The following CPNE4 variants were observed in gnomAD, a reference collection of about 807,000 sequenced individuals.
CPNE4 encodes copine-4.
A neutral mutation model predicts 67.9 loss-of-function variants in CPNE4; 25 were observed. That is an observed-to-expected ratio of 0.37 (90% CI 0.27 to 0.51). The LOEUF (loss-of-function observed/expected upper bound fraction) is 0.51, where lower values mean the gene tolerates loss of function less well. Among genes scored for constraint, CPNE4 ranks in the 20% least tolerant of loss-of-function variants. CPNE4 has a pLI of 0.93. For synonymous variants in CPNE4, 242 were observed against 244.9 expected (o/e 0.99, Z 0.11); for missense variants, 464 against 690.8 (o/e 0.67, Z 3.68).
At chr3:131,696,708 C>T (rs1185914250) in intron 4 of CPNE4, 92 bp from the exon 5 acceptor site, 2 of 1,131,018 alleles carry the variant, frequency 1.8e-6, no homozygotes, top group Non-Finnish European at 1.3e-6. Context: ...TGGTTCAAAA[C>T]TCAACAAAGA....
intron 7 of CPNE4, among the ~76,000 whole-genome samples, chr3:131,609,305 C>T (rs1939684773): frequency 6.6e-6 from 1 of 152,130 alleles, no homozygotes; most frequent in Non-Finnish European, 1.5e-5. Context: ...AGCTATCCAC[C>T]AAATATTTGT....
At position 131,628,985 on chromosome 3, in the gene CPNE4, C is replaced by T. The variant is rs1336942810; in HGVS notation, c.681+40690G>A. 9.9e-5 allele frequency among the ~76,000 whole-genome samples: 15 copies of T among 151,072 alleles called. No individual in the cohort carries two copies. The South Asian group carries it at 2.7e-3, about 28-fold the overall frequency. ...CTTGCTTCTCTAGTTCTTTTAATTGCGATGTTAGGGTGTCAATTTTAGATC... is the reference window on the plus strand; with the variant it reads ...CTTGCTTCTCTAGTTCTTTTAATTGTGATGTTAGGGTGTCAATTTTAGATC... On this transcript the variant is annotated intron_variant, in intron 7 of 15. Coordinates refer to ENST00000429747, the MANE Select transcript of CPNE4 (RefSeq NM_130808.3).
At chr3:131,844,216 T>A (rs1264057549) in intron 2 of CPNE4, among the ~76,000 whole-genome samples, 1 of 151,930 alleles carries the variant, frequency 6.6e-6, no homozygotes, top group Non-Finnish European at 1.5e-5. Context: ...CTCAGACAGG[T>A]AAAAGCACTC....
intron 2 of CPNE4, among the ~76,000 whole-genome samples, chr3:131,879,669 T>C (rs1329445109): frequency 6.6e-6 from 1 of 152,096 alleles, no homozygotes; most frequent in Non-Finnish European, 1.5e-5. Flanking sequence ...CTTTTAAAAA[T>C]AGAAGAGATA....
intron 11 of CPNE4, among the ~76,000 whole-genome samples, chr3:131,561,411 G>A (rs1936757469): frequency 6.6e-6 from 1 of 151,952 alleles, no homozygotes; most frequent in Non-Finnish European, 1.5e-5. Flanking sequence ...TTGTGCTGGG[G>A]TGGGTGGTCA....
At chr3:131,751,139 T>C (rs1347458523) in intron 2 of CPNE4, among the ~76,000 whole-genome samples, 1 of 152,118 alleles carries the variant, frequency 6.6e-6, no homozygotes, top group Admixed American at 6.5e-5. Context: ...TTTCCTTAGG[T>C]TTACCCTGCT....
chr3:131,974,419 A>G (rs2107622438), intron 1 of CPNE4, among the ~76,000 whole-genome samples: 1 of 152,298 alleles, frequency 6.6e-6, no homozygotes, highest in East Asian at 1.9e-4. Context: ...ACATGCATGC[A>G]CATATGTACT....
At chr3:131,667,267 G>A (rs2080288860) in intron 7 of CPNE4, among the ~76,000 whole-genome samples, 1 of 151,774 alleles carries the variant, frequency 6.6e-6, no homozygotes, top group Non-Finnish European at 1.5e-5. Flanking sequence ...GATTTTGAAA[G>A]AAATTAAAAC....
intron 2 of CPNE4, among the ~76,000 whole-genome samples, chr3:131,877,721 G>A (rs927690099): frequency 6.6e-6 from 1 of 152,170 alleles, no homozygotes; most frequent in African/African-American, 2.4e-5. Context: ...TTATGATAAT[G>A]ACTGTAGGAG....
intron 2 of CPNE4, among the ~76,000 whole-genome samples, chr3:131,776,526 G>A (rs1436957787): frequency 6.6e-6 from 1 of 152,128 alleles, no homozygotes; most frequent in Non-Finnish European, 1.5e-5. Context: ...TAAGAAGAGA[G>A]TGTGATTGTG....
At chr3:131,721,488 C>T (rs1345133947) in intron 3 of CPNE4, among the ~76,000 whole-genome samples, 8 of 150,766 alleles carry the variant, frequency 5.3e-5, no homozygotes, top group Non-Finnish European at 8.8e-5. Flanking sequence ...CTCCGCCTTC[C>T]GGGTTCACGC....
intron 15 of CPNE4, among the ~76,000 whole-genome samples, chr3:131,540,008 A>G (rs56286555): frequency 0.028 from 4,198 of 152,308 alleles, 63 homozygotes; most frequent in Middle Eastern, 0.058. Context: ...CTTGCTGTCC[A>G]TAGGCAGACA....
chr3:131,976,584 G>A (rs1485164132), intron 1 of CPNE4, among the ~76,000 whole-genome samples: 3 of 152,074 alleles, frequency 2.0e-5, no homozygotes, highest in African/African-American at 7.2e-5. Flanking sequence ...CACACAAGAG[G>A]AAAAGCAATT....
chr3:131,813,630 A>AT (rs1457240955), intron 2 of CPNE4, among the ~76,000 whole-genome samples: 2 of 152,082 alleles, frequency 1.3e-5, no homozygotes, highest in South Asian at 2.1e-4. Flanking sequence ...AAAACATTCC[A>AT]TTTTATCTAA....
intron 2 of CPNE4, among the ~76,000 whole-genome samples, chr3:131,902,242 C>T (rs2088581575): frequency 6.6e-6 from 1 of 152,000 alleles, no homozygotes; most frequent in East Asian, 1.9e-4. Flanking sequence ...GTAAAGGAAG[C>T]CGTGAATCAA....
chr3:131,708,441 G>A (rs2081468374), intron 3 of CPNE4, among the ~76,000 whole-genome samples: 1 of 152,258 alleles, frequency 6.6e-6, no homozygotes, highest in East Asian at 1.9e-4. Context: ...GAAGAGTCCT[G>A]AGCTAAGAGT....
At chr3:131,569,570 T>C (rs551395113) in intron 10 of CPNE4, among the ~76,000 whole-genome samples, 57 of 150,600 alleles carry the variant, frequency 3.8e-4, no homozygotes, top group Middle Eastern at 6.8e-3. Flanking sequence ...CTCAGGAGTT[T>C]AAGGTTACAG....
chr3:131,951,611 G>C (rs1012583060), intron 1 of CPNE4, among the ~76,000 whole-genome samples: 10 of 151,498 alleles, frequency 6.6e-5, no homozygotes, highest in Non-Finnish European at 8.8e-5. Flanking sequence ...CTCTGATGCC[G>C]AGCAGAAGCT....
rs187551150 is a variant in CPNE4, at chr3:131,767,382, T to A, written c.181-43757A>T. 2.0e-5 allele frequency among the ~76,000 whole-genome samples: 3 copies of A among 152,144 alleles called. No homozygotes were observed. The East Asian group carries it at 5.8e-4, about 29-fold the overall frequency. On this transcript the variant is annotated intron_variant, in intron 2 of 15. Coordinates refer to ENST00000429747, the MANE Select transcript of CPNE4 (RefSeq NM_130808.3). ...GAGACATCTATTTAGAGGTGGCCCT[T>A]TACAGAAAACTGAAGAAAACCAGTT...
Sources: allele counts gnomAD v4.1 joint callset (sites outside exome capture counted in the v4.1 genomes callset), GRCh38; gene constraint gnomAD v4.1.1; transcripts MANE v1.5; gene names NCBI Gene and HGNC (gene_info 2026-07-23, HGNC 2026-07-21).